Variants in SAP30BP observed in about 807,000 individuals in gnomAD.
The protein encoded by SAP30BP is SAP30-binding protein.
A neutral mutation model predicts 46.3 loss-of-function variants in SAP30BP; 31 were observed. That is an observed-to-expected ratio of 0.67 (90% confidence interval 0.50 to 0.90). The LOEUF (loss-of-function observed/expected upper bound fraction) is 0.90, where lower values mean the gene tolerates loss of function less well. Among genes scored for constraint, SAP30BP ranks in the 40% least tolerant of loss-of-function variants. The pLI is 0.00. For missense variants in SAP30BP, 312 were observed against 391.0 expected, an observed-to-expected ratio of 0.80 and a Z score of 1.70; for synonymous variants, 169 against 144.2, an observed-to-expected ratio of 1.17 and a Z score of -1.23.
chr17:75,694,252 A>T (rs974626747), intron 4 of SAP30BP, among the ~76,000 whole-genome samples: 3 of 152,022 alleles, frequency 2.0e-5, no homozygotes, highest in African/African-American at 7.3e-5. Flanking sequence ...CCCAGGGACC[A>T]CCTGGAAGCG....
chr17:75,674,332 T>C (rs1479825216), intron 3 of SAP30BP, among the ~76,000 whole-genome samples: 2 of 152,154 alleles, frequency 1.3e-5, no homozygotes, highest in Admixed American at 6.5e-5. Context: ...TCTTGCTCTG[T>C]CGCTCAGGCT....
At chr17:75,669,525 G>C (rs1395414482) in intron 2 of SAP30BP, among the ~76,000 whole-genome samples, 1 of 152,112 alleles carries the variant, frequency 6.6e-6, no homozygotes, top group Non-Finnish European at 1.5e-5. Flanking sequence ...TTACAGGCGT[G>C]AGCCACTGCT....
At chr17:75,669,632 TC>T (rs1352543275) in intron 2 of SAP30BP, among the ~76,000 whole-genome samples, 1 of 151,834 alleles carries the variant, frequency 6.6e-6, no homozygotes, top group Admixed American at 6.6e-5. Context: ...CTCAAGCAAT[TC>T]CCCTGCCTCA....
chr17:75,688,094 TC>T (rs2060188882), intron 3 of SAP30BP, among the ~76,000 whole-genome samples: 1 of 152,110 alleles, frequency 6.6e-6, no homozygotes, highest in South Asian at 2.1e-4. Context: ...GAGGAAGGCT[TC>T]CCTGGGCTGG....
chr17:75,688,920 A>C (rs2060201385), intron 3 of SAP30BP, among the ~76,000 whole-genome samples: 1 of 152,080 alleles, frequency 6.6e-6, no homozygotes, highest in Non-Finnish European at 1.5e-5. Context: ...TGGCAGGTTG[A>C]GATCACTATT....
At chr17:75,703,763 TTCTGAGTCATTTGTCA>T in intron 7 of SAP30BP, 29 bp from the exon 8 acceptor site, 2 of 1,575,168 alleles carry the variant, frequency 1.3e-6, no homozygotes, top group East Asian at 4.5e-5. Flanking sequence ...GAACTTGGGT[TTCTGAGTCATTTGTCA>T]TCTGAGTCAT....
intron 8 of SAP30BP, 137 bp from the exon 9 acceptor site, chr17:75,704,619 C>T (rs1482809252): frequency 4.2e-6 from 3 of 718,724 alleles, no homozygotes; most frequent in Admixed American, 4.0e-5. Flanking sequence ...GGGCTGGCTT[C>T]ATTTTGCCAA....
At chr17:75,691,262 C>A in intron 3 of SAP30BP, 1 of 364,670 alleles carries the variant, frequency 2.7e-6, no homozygotes. Context: ...AACCCAACTA[C>A]CCAGTTTATT....
At position 75,705,659 on chromosome 17, in the gene SAP30BP, T is replaced by C. The variant is rs1021276782; in HGVS notation, c.661-349T>C. 7 of 1,114,124 alleles carry C rather than the reference T, an allele frequency of 6.3e-6. No homozygotes were observed. The Admixed American group carries it at 1.9e-4, about 30-fold the overall frequency. The allele number at this position is 1,114,124 out of a possible 1,614,324, so 69.0% of individuals were successfully genotyped here. On this transcript the variant is annotated intron_variant, in intron 9 of 10. Transcript: ENST00000584667. ...AGCGCCTGGGGACCGGAGCTGTCCT[T>C]CCCCTGTGCGGGCGGGCACCGCCTC...
At chr17:75,674,691 TTTTTTG>T (rs2059959488) in intron 3 of SAP30BP, among the ~76,000 whole-genome samples, 2 of 57,912 alleles carry the variant, frequency 3.5e-5, no homozygotes, top group Admixed American at 2.3e-4. Context: ...TTTTTGTTTG[TTTTTTG>T]TTTTTTTTTT....
chr17:75,691,788 A>G (rs2060246953), intron 3 of SAP30BP: 1 of 270,962 alleles, frequency 3.7e-6, no homozygotes, highest in Non-Finnish European at 7.3e-6. Context: ...TACAATCAGC[A>G]CCCAGAAAGC....
intron 4 of SAP30BP, among the ~76,000 whole-genome samples, chr17:75,695,655 T>C (rs2060306684): frequency 6.6e-6 from 1 of 152,196 alleles, no homozygotes; most frequent in Non-Finnish European, 1.5e-5. Flanking sequence ...GCAGTGCCTG[T>C]CAGCCCCTCT....
intron 3 of SAP30BP, among the ~76,000 whole-genome samples, chr17:75,677,927 T>C (rs955443481): frequency 6.6e-6 from 1 of 152,112 alleles, no homozygotes; most frequent in Non-Finnish European, 1.5e-5. Context: ...AAAACTACTA[T>C]TATTCTAAAA....
chr17:75,672,509 G>A lies in SAP30BP; in HGVS notation c.264+646G>A, dbSNP rs2059921975. ...GTGAAGGTTAAGACACCCTTGTGTTGGTTAAGCTGCTGTGCTGTGCATTGG... is the reference window on the plus strand; with the variant it reads ...GTGAAGGTTAAGACACCCTTGTGTTAGTTAAGCTGCTGTGCTGTGCATTGG... On this transcript the variant is annotated intron_variant, in intron 3 of 10. Coordinates refer to ENST00000584667, the MANE Select transcript of SAP30BP (RefSeq NM_013260.8). 3.9e-5 allele frequency among the ~76,000 whole-genome samples: 6 copies of A among 152,244 alleles called. No homozygotes were observed. In the South Asian group the frequency reaches 1.2e-3, roughly 32 times the overall value.
intron 4 of SAP30BP, among the ~76,000 whole-genome samples, chr17:75,694,763 G>T (rs537652687): frequency 6.6e-6 from 1 of 152,240 alleles, no homozygotes; most frequent in African/African-American, 2.4e-5. Flanking sequence ...ACGTGCCAAC[G>T]CAGAGATGCC....
chr17:75,706,714 G>T lies in SAP30BP; in HGVS notation c.*193G>T, dbSNP rs555731253. The T allele has an allele frequency of 1.0e-3, 605 of 597,684 alleles. 10 individuals are homozygous for T. Among genetic ancestry groups the T allele is most frequent in the South Asian group, 8.7e-3 (427 of 49,070 alleles). The allele number at this position is 597,684 out of a possible 1,614,324, so 37.0% of individuals were successfully genotyped here. On this transcript the variant is annotated 3_prime_UTR_variant, in exon 11 of 11. Transcript: ENST00000584667. This position sits in a 1 kb window ranked among gnomAD's most constrained non-coding sequence, Gnocchi z 4.6. ...GGCGCTGTGGACAGGGTCTGTCCAC[G>T]CACCACCTGGGGTCTGCCGCCTATT... is the stretch of plus-strand genomic sequence containing the variant.
At chr17:75,694,234 G>T in intron 4 of SAP30BP, among the ~76,000 whole-genome samples, 1 of 152,120 alleles carries the variant, frequency 6.6e-6, no homozygotes, top group South Asian at 2.1e-4. Context: ...AGCCCTGGGG[G>T]TTCTGAGCCC....
At position 75,667,485 on chromosome 17, in the gene SAP30BP, C is replaced by T; in HGVS notation, c.106+7C>T. On this transcript the variant is annotated splice_region_variant and intron_variant, in intron 1 of 10. Transcript: ENST00000584667. ...GCGGTGGGCAGCGCGGCTGGTAAGG[C>T]CCAAGTGCGAAGCTGGAAGGGGGAA... The T allele has an allele frequency of 1.2e-6, 2 of 1,613,520 alleles. No homozygotes were observed. The highest frequency in any genetic ancestry group is 1.7e-6 in the Non-Finnish European group (2 of 1,179,628).
chr17:75,698,345 A>G (rs2060353885), intron 4 of SAP30BP, among the ~76,000 whole-genome samples: 1 of 152,260 alleles, frequency 6.6e-6, no homozygotes, highest in South Asian at 2.1e-4. Context: ...GGTAAAAAGT[A>G]TCATTTATAC....
Sources: allele counts gnomAD v4.1 joint callset (sites outside exome capture counted in the v4.1 genomes callset), GRCh38; gene constraint gnomAD v4.1.1; non-coding constraint Gnocchi (gnomAD v3.1); transcripts MANE v1.5; gene names NCBI Gene and HGNC (gene_info 2026-07-23, HGNC 2026-07-21).